MINAR2: variants seen among roughly 807,000 people sequenced by gnomAD.
The protein encoded by MINAR2 is major intrinsically disordered NOTCH2-binding receptor 1-like.
Under a neutral mutation model 16.1 loss-of-function variants are expected in MINAR2, and 21 were observed. That is an observed-to-expected ratio of 1.31 (90% confidence interval 0.93 to 1.88). The LOEUF is 1.88. MINAR2 is among the 40% of genes most tolerant of loss of function. MINAR2 has a pLI of 0.00. For missense variants in MINAR2, 259 were observed against 229.8 expected, an observed-to-expected ratio of 1.13 and a Z score of -0.82; for synonymous variants, 86 against 83.0, an observed-to-expected ratio of 1.04 and a Z score of -0.20.
At chr5:129,751,478 A>G (rs923396104) in intron 1 of MINAR2, among the ~76,000 whole-genome samples, 54 of 152,264 alleles carry the variant, frequency 3.5e-4, no homozygotes, top group African/African-American at 1.3e-3. Flanking sequence ...AAAGTGCTCA[A>G]TTATAGGCAT....
At position 129,760,541 on chromosome 5, in the gene MINAR2, C is replaced by A. The variant is rs186699882; in HGVS notation, c.329C>A (p.Pro110His). Residue 110 changes from proline to histidine, a missense_variant, in exon 2 of 3, where the codon CCC becomes CAC. By Grantham distance (77) the Pro-to-His change is moderately conservative. Coordinates refer to ENST00000564719, the MANE Select transcript of MINAR2 (RefSeq NM_001257308.2). ...GCTATGGAAGAAAGAAAAAAGAACC[C>A]CTCATGGACCATTGAGGAATATGAC... ...EEAMEERKKNPSWTIEEYDKH... is the reference protein window; with the variant it reads ...EEAMEERKKNHSWTIEEYDKH... 1.4e-5 allele frequency: 21 copies of A among 1,535,624 alleles called. No homozygotes were observed. The East Asian group carries it at 5.1e-4, about 38-fold the overall frequency.
At chr5:129,760,111 G>C (rs1453621035) in intron 1 of MINAR2, among the ~76,000 whole-genome samples, 1 of 152,118 alleles carries the variant, frequency 6.6e-6, no homozygotes, top group Admixed American at 6.6e-5. Flanking sequence ...TTGAATTAGA[G>C]AGTAAAGAAG....
chr5:129,751,338 A>T (rs1437351306), intron 1 of MINAR2, among the ~76,000 whole-genome samples: 1 of 152,064 alleles, frequency 6.6e-6, no homozygotes, highest in Non-Finnish European at 1.5e-5. Flanking sequence ...CCTCCTGAGT[A>T]TCTGGGATTA....
At chr5:129,752,942 A>G (rs1056384423) in intron 1 of MINAR2, among the ~76,000 whole-genome samples, 1 of 152,094 alleles carries the variant, frequency 6.6e-6, no homozygotes, top group African/African-American at 2.4e-5. Context: ...GATGGAGGGA[A>G]AGGCTAAGGG....
intron 2 of MINAR2, chr5:129,762,589 A>G: frequency 2.9e-6 from 1 of 343,282 alleles, no homozygotes; most frequent in East Asian, 9.1e-5. Context: ...CATCATCACC[A>G]TTGCCAGCAG....
intron 1 of MINAR2, among the ~76,000 whole-genome samples, chr5:129,755,426 T>C (rs1330366481): frequency 6.6e-6 from 1 of 152,088 alleles, no homozygotes; most frequent in African/African-American, 2.4e-5. Context: ...ATGGTAGAAG[T>C]TGACTGCAAA....
chr5:129,750,351 G>A (rs4538646), intron 1 of MINAR2, among the ~76,000 whole-genome samples: 26,569 of 152,052 alleles, frequency 0.17, 2,514 homozygotes, highest in East Asian at 0.3. Flanking sequence ...CTGAGGTGTT[G>A]GGCACACATA....
chr5:129,749,223 C>A (rs931852931), intron 1 of MINAR2, among the ~76,000 whole-genome samples: 4 of 152,128 alleles, frequency 2.6e-5, no homozygotes, highest in Admixed American at 6.6e-5. Context: ...CCTACAAACC[C>A]CTGCAAGTCA....
At chr5:129,753,771 G>C (rs1758017846) in intron 1 of MINAR2, among the ~76,000 whole-genome samples, 1 of 150,544 alleles carries the variant, frequency 6.6e-6, no homozygotes, top group Non-Finnish European at 1.5e-5. Context: ...GAGAGAGAGA[G>C]TGAGAGCGTC....
At chr5:129,752,980 A>G (rs1192224941) in intron 1 of MINAR2, among the ~76,000 whole-genome samples, 1 of 152,122 alleles carries the variant, frequency 6.6e-6, no homozygotes, top group Non-Finnish European at 1.5e-5. Flanking sequence ...ATTGATTTCT[A>G]GACAATGTCA....
At chr5:129,748,495 T>G in intron 1 of MINAR2, 140 bp downstream of exon 1, 8 of 797,912 alleles carry the variant, frequency 1.0e-5, no homozygotes, top group Non-Finnish European at 1.3e-5. Context: ...AGTCTTTCTC[T>G]CTTCCTTAAC....
At chr5:129,759,936 C>A (rs974753325) in intron 1 of MINAR2, among the ~76,000 whole-genome samples, 1 of 152,056 alleles carries the variant, frequency 6.6e-6, no homozygotes, top group South Asian at 2.1e-4. Context: ...AAAGTCGAGG[C>A]ATATCTCTAA....
rs1472514674 is a variant in MINAR2 at position 129,765,036 on chromosome 5, A to G, written c.546A>G (p.Ile182Met). Residue 182 changes from isoleucine to methionine, a missense_variant, in exon 3 of 3, where the codon ATA (isoleucine) becomes ATG (methionine). Coordinates refer to ENST00000564719, the MANE Select transcript of MINAR2 (RefSeq NM_001257308.2). ...LLVVISILVTIVTIITFFT is the reference protein window; with the variant it reads ...LLVVISILVTMVTIITFFT ...TCGTTATCTCCATCTTGGTTACCATAGTGACTATCATTACTTTTTTCACCT... is the reference window on the plus strand; with the variant it reads ...TCGTTATCTCCATCTTGGTTACCATGGTGACTATCATTACTTTTTTCACCT... The G allele has an allele frequency of 7.6e-7, 1 of 1,312,198 alleles. No homozygotes were observed. The highest frequency in any genetic ancestry group is 2.4e-5 in the South Asian group (1 of 41,212). The allele number at this position is 1,312,198 out of a possible 1,614,324, so 81.3% of individuals were successfully genotyped here.
At chr5:129,764,251 A>G (rs527379174) in intron 2 of MINAR2, among the ~76,000 whole-genome samples, 2 of 152,304 alleles carry the variant, frequency 1.3e-5, no homozygotes, top group Admixed American at 6.5e-5. Flanking sequence ...GGGGAAGAAT[A>G]TAATGGGTCC....
chr5:129,748,482 C>G (rs1391105233), intron 1 of MINAR2, 127 bp downstream of exon 1: 2 of 882,032 alleles, frequency 2.3e-6, no homozygotes, highest in Admixed American at 3.3e-5. Context: ...TGTCTTCCAA[C>G]TTAGTCTTTC....
At position 129,750,838 on chromosome 5, in the gene MINAR2, G is replaced by A. The variant is rs1757976910; in HGVS notation, c.165+2483G>A. ...GTGTGCACATGGTGGTTGAGGGGAT[G>A]TACTCAATAAATACGTCAACCTGCG... is the stretch of plus-strand genomic sequence containing the variant. On this transcript the variant is annotated intron_variant, in intron 1 of 2. Coordinates refer to ENST00000564719, the MANE Select transcript of MINAR2 (RefSeq NM_001257308.2). Among the ~76,000 whole-genome samples, 8 of 152,138 alleles carry A rather than the reference G, an allele frequency of 5.3e-5. 1 individual carries two copies. The South Asian group carries it at 1.7e-3, about 32-fold the overall frequency.
intron 1 of MINAR2, among the ~76,000 whole-genome samples, chr5:129,751,339 T>C (rs1271420279): frequency 2.6e-5 from 4 of 151,998 alleles, no homozygotes; most frequent in Admixed American, 1.3e-4. Context: ...CTCCTGAGTA[T>C]CTGGGATTAC....
intron 1 of MINAR2, among the ~76,000 whole-genome samples, chr5:129,750,988 G>A (rs1757978576): frequency 1.3e-5 from 2 of 152,112 alleles, no homozygotes; most frequent in Non-Finnish European, 1.5e-5. Context: ...CTACCTTACC[G>A]AATGGCAAAG....
chr5:129,760,766 A>G (rs552798523), intron 2 of MINAR2, among the ~76,000 whole-genome samples, 161 bp downstream of exon 2: 2 of 152,282 alleles, frequency 1.3e-5, no homozygotes, highest in African/African-American at 4.8e-5. Flanking sequence ...CCTCCTAGTC[A>G]GTATTTGTGT....
Sources: gnomAD v4.1 joint callset for allele counts (sites outside exome capture counted in the v4.1 genomes callset) on GRCh38, gnomAD v4.1.1 for gene constraint, MANE v1.5 for transcripts, NCBI Gene and HGNC (gene_info 2026-07-23, HGNC 2026-07-21) for gene names.